CSMD3: variants seen among roughly 807,000 people sequenced by gnomAD.
CSMD3 encodes the protein CUB and Sushi multiple domains 3.
Under a neutral mutation model 435.2 loss-of-function variants are expected in CSMD3, and 177 were observed. The observed-to-expected ratio is 0.41, with a 90% confidence interval of 0.36 to 0.46. The LOEUF is 0.46. Ranked by LOEUF, CSMD3 falls within the 20% of genes least tolerant of loss-of-function variation. The probability of loss-of-function intolerance (pLI) is 0.34; values close to 1 mark genes in which losing one functional copy is unlikely to be tolerated. For synonymous variants in CSMD3, 1,656 were observed against 1,520.5 expected (o/e 1.09, Z -2.07); for missense variants, 4,265 against 4,504.6 (o/e 0.95, Z 1.52).
chr8:112,262,477 C>T (rs753576742), intron 61 of CSMD3, among the ~76,000 whole-genome samples: 5 of 151,548 alleles, frequency 3.3e-5, no homozygotes, highest in Non-Finnish European at 2.9e-5. Flanking sequence ...TTCAAATAAA[C>T]AAGATAAGTA....
chr8:112,523,857 T>C (rs578033964), intron 27 of CSMD3, among the ~76,000 whole-genome samples: 1 of 152,180 alleles, frequency 6.6e-6, no homozygotes, highest in South Asian at 2.1e-4. Context: ...AGGATACATC[T>C]AATGATATGG....
At chr8:112,706,387 G>T (rs2076499297) in intron 13 of CSMD3, among the ~76,000 whole-genome samples, 1 of 152,122 alleles carries the variant, frequency 6.6e-6, no homozygotes, top group Non-Finnish European at 1.5e-5. Context: ...ATCATAAAAT[G>T]TATTGGGAAT....
At chr8:112,272,262 G>T (rs867237801) in intron 59 of CSMD3, among the ~76,000 whole-genome samples, 45 of 152,232 alleles carry the variant, frequency 3.0e-4, no homozygotes, top group Admixed American at 7.2e-4. Flanking sequence ...TCTAAAAATT[G>T]ATATCAGGAT....
At chr8:113,340,383 T>C (rs975179747) in intron 1 of CSMD3, among the ~76,000 whole-genome samples, 1 of 152,116 alleles carries the variant, frequency 6.6e-6, no homozygotes. Context: ...CCAGAAGACA[T>C]AAATACTGCT....
chr8:112,287,724 T>C (rs971556609), intron 57 of CSMD3, among the ~76,000 whole-genome samples: 1 of 152,156 alleles, frequency 6.6e-6, no homozygotes, highest in African/African-American at 2.4e-5. Flanking sequence ...AATATTATAA[T>C]ACAGTTCTGA....
chr8:113,035,112 T>A (rs930777535), intron 5 of CSMD3, among the ~76,000 whole-genome samples: 2 of 151,858 alleles, frequency 1.3e-5, no homozygotes, highest in Non-Finnish European at 2.9e-5. Flanking sequence ...AAAGGAATGA[T>A]AATGACAAGA....
chr8:112,874,749 T>C (rs2081232874), intron 10 of CSMD3, among the ~76,000 whole-genome samples: 1 of 152,064 alleles, frequency 6.6e-6, no homozygotes. Context: ...TATTTATTCA[T>C]TTTTGCTTTT....
At chr8:113,391,121 A>G (rs2133153117) in intron 1 of CSMD3, among the ~76,000 whole-genome samples, 1 of 152,132 alleles carries the variant, frequency 6.6e-6, no homozygotes, top group South Asian at 2.1e-4. Flanking sequence ...TTAGAATTAT[A>G]TGAAGTGAAT....
intron 49 of CSMD3, 87 bp from the exon 50 acceptor site, chr8:112,311,253 C>CTT (rs1821955782): frequency 9.7e-7 from 1 of 1,033,324 alleles, no homozygotes; most frequent in African/African-American, 1.6e-5. Context: ...GCGACTAGTG[C>CTT]TTAAAAGTAG....
At chr8:113,411,584 G>A (rs2129797330) in intron 1 of CSMD3, among the ~76,000 whole-genome samples, 1 of 152,234 alleles carries the variant, frequency 6.6e-6, no homozygotes, top group Non-Finnish European at 1.5e-5. Context: ...TGACTCAGTT[G>A]AGCTAGATTT....
intron 1 of CSMD3, among the ~76,000 whole-genome samples, chr8:113,342,339 A>C (rs1030040090): frequency 1.3e-5 from 2 of 152,180 alleles, no homozygotes; most frequent in Admixed American, 1.3e-4. Context: ...AAAGTATAGA[A>C]ATACTATTGT....
rs1049191077 is a variant in CSMD3, at chr8:112,223,903, A to G, written c.*868T>C. On this transcript the variant is annotated 3_prime_UTR_variant, in exon 71 of 71. Coordinates refer to ENST00000297405, the MANE Select transcript of CSMD3 (RefSeq NM_198123.2). ...TGGTGTCTCAGATAACTGCAAAATA[A>G]TAATTTTTCTAGATAATTTCTGCCA... 1.3e-5 allele frequency: 2 copies of G among 152,176 alleles called. No individual in the cohort carries two copies. Among genetic ancestry groups the G allele is most frequent in the South Asian group, 2.1e-4 (1 of 4,828 alleles). The allele number at this position is 152,176 out of a possible 1,614,324, so 9.4% of individuals were successfully genotyped here. A position where few individuals can be genotyped will look rare whatever the true frequency, so the allele number is the denominator to read the frequency against.
intron 4 of CSMD3, among the ~76,000 whole-genome samples, chr8:113,128,118 C>T (rs10088226): frequency 3.3e-5 from 5 of 151,906 alleles, no homozygotes; most frequent in Non-Finnish European, 7.4e-5. Flanking sequence ...CTTTCATGAC[C>T]CATACAACAA....
chr8:113,324,426 C>A (rs780873780), intron 1 of CSMD3, among the ~76,000 whole-genome samples: 14 of 152,106 alleles, frequency 9.2e-5, no homozygotes, highest in Non-Finnish European at 1.9e-4. Flanking sequence ...TGAAAGGGGA[C>A]AACGTAGACC....
At chr8:113,409,175 C>T (rs549094625) in intron 1 of CSMD3, among the ~76,000 whole-genome samples, 62 of 150,392 alleles carry the variant, frequency 4.1e-4, no homozygotes, top group Admixed American at 2.5e-3. Flanking sequence ...CCTCCGCCTC[C>T]GGGTTCAAGC....
At chr8:113,112,436 T>C (rs2090680306) in intron 4 of CSMD3, among the ~76,000 whole-genome samples, 1 of 16,506 alleles carries the variant, frequency 6.1e-5, no homozygotes, top group Non-Finnish European at 9.6e-5. Context: ...TATATATATA[T>C]ATATATATAT....
chr8:112,676,454 T>G (rs1388817966), intron 16 of CSMD3, among the ~76,000 whole-genome samples: 2 of 152,106 alleles, frequency 1.3e-5, no homozygotes, highest in Non-Finnish European at 2.9e-5. Flanking sequence ...ATTTTTAGAC[T>G]TGTCTAACTT....
intron 11 of CSMD3, among the ~76,000 whole-genome samples, chr8:112,847,432 T>G (rs2080355566): frequency 6.6e-6 from 1 of 152,088 alleles, no homozygotes; most frequent in Non-Finnish European, 1.5e-5. Context: ...AACTATCAGG[T>G]GTAATTTACA....
At chr8:112,774,937 G>A (rs1396070120) in intron 13 of CSMD3, among the ~76,000 whole-genome samples, 1 of 151,824 alleles carries the variant, frequency 6.6e-6, no homozygotes, top group African/African-American at 2.4e-5. Flanking sequence ...AATCTCATCT[G>A]CTGGTGCTCC....
Sources: gnomAD v4.1 joint callset for allele counts (sites outside exome capture counted in the v4.1 genomes callset) on GRCh38, gnomAD v4.1.1 for gene constraint, MANE v1.5 for transcripts, NCBI Gene and HGNC (gene_info 2026-07-23, HGNC 2026-07-21) for gene names.